ARSB: variants seen among roughly 807,000 people sequenced by gnomAD.
ARSB encodes the protein arylsulfatase B.
Under a neutral mutation model 50.9 loss-of-function variants are expected in ARSB, and 41 were observed. That is an observed-to-expected ratio of 0.81 (90% CI 0.63 to 1.04). ARSB has a LOEUF of 1.04. ARSB is among the 50% of genes least tolerant of loss of function. ARSB has a pLI of 0.00. For synonymous variants in ARSB, 269 were observed against 284.8 expected, an observed-to-expected ratio of 0.94 and a Z score of 0.56; for missense variants, 672 against 693.3, an observed-to-expected ratio of 0.97 and a Z score of 0.35.
chr5:78,822,502 C>A (rs1744269693), intron 6 of ARSB, among the ~76,000 whole-genome samples: 1 of 151,874 alleles, frequency 6.6e-6, no homozygotes, highest in African/African-American at 2.4e-5. Context: ...TGTTCTTTTT[C>A]AAAAATTTAG....
chr5:78,839,218 G>T (rs1745080722), intron 6 of ARSB, 138 bp downstream of exon 6: 5 of 782,424 alleles, frequency 6.4e-6, no homozygotes, highest in Non-Finnish European at 1.1e-5. Context: ...AGATGAGCGG[G>T]AGATATGTCC....
chr5:78,846,301 T>C (rs988074313), intron 5 of ARSB, among the ~76,000 whole-genome samples: 7 of 152,218 alleles, frequency 4.6e-5, no homozygotes, highest in African/African-American at 1.4e-4. Context: ...TAGTATCTTT[T>C]GAAACCTGGC....
At chr5:78,879,959 G>A (rs995302426) in intron 5 of ARSB, among the ~76,000 whole-genome samples, 4 of 134,772 alleles carry the variant, frequency 3.0e-5, no homozygotes, top group Non-Finnish European at 6.4e-5. Context: ...CAAACTTTGG[G>A]CAGAAATTTT....
At chr5:78,863,768 A>G (rs1438095334) in intron 5 of ARSB, among the ~76,000 whole-genome samples, 1 of 152,134 alleles carries the variant, frequency 6.6e-6, no homozygotes, top group Non-Finnish European at 1.5e-5. Context: ...ATAATAAAAA[A>G]AAATAGATAG....
At chr5:78,857,846 C>A (rs1581051277) in intron 5 of ARSB, among the ~76,000 whole-genome samples, 1 of 152,196 alleles carries the variant, frequency 6.6e-6, no homozygotes, top group Non-Finnish European at 1.5e-5. Context: ...CTATAACAAC[C>A]AAACTAGTTA....
intron 5 of ARSB, among the ~76,000 whole-genome samples, chr5:78,864,667 C>T (rs1380498604): frequency 6.6e-6 from 1 of 152,200 alleles, no homozygotes; most frequent in African/African-American, 2.4e-5. Context: ...CAAAAGTCCA[C>T]ATTCCAAAGT....
intron 6 of ARSB, among the ~76,000 whole-genome samples, chr5:78,828,301 C>G (rs562325990): frequency 6.6e-6 from 1 of 152,054 alleles, no homozygotes; most frequent in African/African-American, 2.4e-5. Context: ...ATTATTTGTA[C>G]AAAAGGAGCT....
At chr5:78,953,264 G>A (rs965485246) in intron 4 of ARSB, among the ~76,000 whole-genome samples, 4 of 152,228 alleles carry the variant, frequency 2.6e-5, no homozygotes, top group Non-Finnish European at 5.9e-5. Flanking sequence ...GGAAAGCTCT[G>A]CTATACCATG....
At chr5:78,896,057 T>C (rs2112252711) in intron 4 of ARSB, among the ~76,000 whole-genome samples, 1 of 152,138 alleles carries the variant, frequency 6.6e-6, no homozygotes, top group African/African-American at 2.4e-5. Context: ...GTGCCCAGTA[T>C]AGTGTGGCAG....
intron 5 of ARSB, among the ~76,000 whole-genome samples, chr5:78,873,029 G>A (rs1047147133): frequency 2.0e-5 from 3 of 151,736 alleles, no homozygotes; most frequent in Non-Finnish European, 4.4e-5. Flanking sequence ...GTTACCATAC[G>A]AGTTAAAAAA....
chr5:78,836,300 C>T (rs1218353467), intron 6 of ARSB, among the ~76,000 whole-genome samples: 2 of 152,186 alleles, frequency 1.3e-5, no homozygotes, highest in East Asian at 1.9e-4. Context: ...CAGCAGAGAA[C>T]GCTGTGTGTG....
At chr5:78,879,728 T>C (rs1324621219) in intron 5 of ARSB, among the ~76,000 whole-genome samples, 1 of 152,218 alleles carries the variant, frequency 6.6e-6, no homozygotes, top group South Asian at 2.1e-4. Context: ...GACGTCAATG[T>C]GACTGGGCGA....
chr5:78,948,405 T>G (rs1751346899), intron 4 of ARSB, among the ~76,000 whole-genome samples: 1 of 151,966 alleles, frequency 6.6e-6, no homozygotes, highest in Admixed American at 6.6e-5. Context: ...TCTCATGTAC[T>G]CCATAAATAT....
chr5:78,939,323 C>T (rs1750784292), intron 4 of ARSB, among the ~76,000 whole-genome samples: 1 of 151,348 alleles, frequency 6.6e-6, no homozygotes, highest in Non-Finnish European at 1.5e-5. Flanking sequence ...GGTACATGTG[C>T]ATAACGTGCA....
intron 6 of ARSB, among the ~76,000 whole-genome samples, chr5:78,809,632 C>T (rs577480961): frequency 2.0e-5 from 3 of 152,372 alleles, no homozygotes; most frequent in African/African-American, 7.2e-5. Flanking sequence ...GGCTGAGGGC[C>T]GCCAGAGCCT....
At chr5:78,976,980 C>T (rs1035169793) in intron 1 of ARSB, among the ~76,000 whole-genome samples, 1 of 152,178 alleles carries the variant, frequency 6.6e-6, no homozygotes, top group Non-Finnish European at 1.5e-5. Flanking sequence ...CCTTCCTCCA[C>T]GTTAAACTTT....
intron 4 of ARSB, among the ~76,000 whole-genome samples, chr5:78,907,723 G>A (rs1749126909): frequency 6.6e-6 from 1 of 152,200 alleles, no homozygotes; most frequent in Non-Finnish European, 1.5e-5. Flanking sequence ...GGGTAGAGCG[G>A]TTGCACAGAT....
chr5:78,918,241 A>T (rs562444314), intron 4 of ARSB, among the ~76,000 whole-genome samples: 1 of 152,324 alleles, frequency 6.6e-6, no homozygotes, highest in African/African-American at 2.4e-5. Flanking sequence ...TGCTTCTGTT[A>T]GCTGAAGTCA....
chr5:78,972,611 A>C (rs1752504205), intron 1 of ARSB, among the ~76,000 whole-genome samples: 1 of 152,016 alleles, frequency 6.6e-6, no homozygotes, highest in Non-Finnish European at 1.5e-5. Context: ...TGACCCTAGG[A>C]CTCAAAAACT....
Sources: gnomAD v4.1 joint callset for allele counts (sites outside exome capture counted in the v4.1 genomes callset) on GRCh38, gnomAD v4.1.1 for gene constraint, MANE v1.5 for transcripts, NCBI Gene and HGNC (gene_info 2026-07-23, HGNC 2026-07-21) for gene names.